PDE4D: variants seen among roughly 807,000 people sequenced by gnomAD.
PDE4D encodes 3',5'-cyclic-AMP phosphodiesterase 4D.
In PDE4D, 24 loss-of-function variants were observed where a neutral mutation model predicts 87.4. The ratio of observed to expected loss-of-function variants is 0.27; its 90% confidence interval spans 0.20 to 0.39. The LOEUF is 0.39. PDE4D is among the 10% of genes least tolerant of loss of function. The pLI is 1.00. For missense variants in PDE4D, 714 were observed against 1,041.0 expected (o/e 0.69, Z 4.32); for synonymous variants, 384 against 383.2 (o/e 1.00, Z -0.02).
chr5:59,054,907 A>C (rs1162485313), intron 5 of PDE4D, among the ~76,000 whole-genome samples: 1 of 152,144 alleles, frequency 6.6e-6, no homozygotes, highest in Non-Finnish European at 1.5e-5. Context: ...TTTATAATTA[A>C]AAAACTCTCC....
At chr5:59,264,337 T>G (rs1762509519) in intron 1 of PDE4D, among the ~76,000 whole-genome samples, 1 of 152,078 alleles carries the variant, frequency 6.6e-6, no homozygotes. Context: ...GCAGACTGTC[T>G]AATTCTTTTG....
intron 1 of PDE4D, among the ~76,000 whole-genome samples, chr5:59,491,833 G>A (rs1407109329): frequency 6.6e-6 from 1 of 152,188 alleles, no homozygotes; most frequent in East Asian, 1.9e-4. Flanking sequence ...CAGGGATAAT[G>A]GATAAATTTT....
rs115170313 is a variant in PDE4D, at chr5:60,269,733, G to A, written c.-89-84046C>T. On this transcript the variant is annotated intron_variant, in intron 1 of 16. Transcript: ENST00000502484. ...CTTACCACAAAAAAGTTATACATATGTAAGATGATGAATATATTGATTTGC... is the reference window on the plus strand; with the variant it reads ...CTTACCACAAAAAAGTTATACATATATAAGATGATGAATATATTGATTTGC... Among the ~76,000 whole-genome samples, 175 of 152,306 alleles carry A rather than the reference G, an allele frequency of 1.1e-3. 1 individual carries two copies. Among genetic ancestry groups the A allele is most frequent in the African/African-American group, 3.9e-3 (162 of 41,568 alleles).
chr5:59,755,473 T>C (rs990354963), intron 1 of PDE4D, among the ~76,000 whole-genome samples: 3 of 152,140 alleles, frequency 2.0e-5, no homozygotes, highest in African/African-American at 7.2e-5. Flanking sequence ...CACCTAAAAT[T>C]GTGAAGGTGA....
In PDE4D at chr5:60,118,786, T is replaced by C. The variant is rs565278251; in HGVS notation, c.42+66771A>G. ...TGCATTATCATCTTCAAGAGTGGTG[T>C]TTATGAAAATGCAGCTCACTGCCTT... On this transcript the variant is annotated intron_variant, in intron 2 of 16. Coordinates refer to the PDE4D transcript ENST00000502484. 4.7e-4 allele frequency among the ~76,000 whole-genome samples: 72 copies of C among 152,196 alleles called. No homozygotes were observed. In the South Asian group the frequency reaches 0.014, roughly 30 times the overall value.
At chr5:59,978,609 A>C (rs539471080) in intron 3 of PDE4D, among the ~76,000 whole-genome samples, 29 of 152,324 alleles carry the variant, frequency 1.9e-4, no homozygotes, top group African/African-American at 6.7e-4. Flanking sequence ...AGGATTTAAA[A>C]TATTATATAA....
At chr5:60,455,145 T>C (rs1239786463) in intron 1 of PDE4D, among the ~76,000 whole-genome samples, 1 of 152,184 alleles carries the variant, frequency 6.6e-6, no homozygotes, top group South Asian at 2.1e-4. Flanking sequence ...ATTTTTTGCA[T>C]GTCAACAAAT....
At chr5:59,511,226 AC>A (rs899226255) in intron 1 of PDE4D, among the ~76,000 whole-genome samples, 4 of 151,996 alleles carry the variant, frequency 2.6e-5, no homozygotes, top group African/African-American at 9.7e-5. Context: ...AGAAGCTTGA[AC>A]ATCAAAAAAT....
intron 1 of PDE4D, among the ~76,000 whole-genome samples, chr5:59,857,300 G>C (rs1473304921): frequency 2.0e-5 from 3 of 152,144 alleles, no homozygotes; most frequent in Non-Finnish European, 4.4e-5. Flanking sequence ...TATCACTTTT[G>C]TTGTACTTTC....
chr5:59,082,253 G>C (rs1393411261), intron 5 of PDE4D, among the ~76,000 whole-genome samples: 1 of 152,104 alleles, frequency 6.6e-6, no homozygotes, highest in Admixed American at 6.6e-5. Context: ...GTAATGAATA[G>C]CTTTTCTTCG....
At chr5:59,200,110 CA>C (rs1746659204) in intron 2 of PDE4D, among the ~76,000 whole-genome samples, 1 of 137,366 alleles carries the variant, frequency 7.3e-6, no homozygotes, top group African/African-American at 3.4e-5. Flanking sequence ...CATGTATGCA[CA>C]CACATACATG....
chr5:60,146,811 A>T (rs1008706423), intron 2 of PDE4D, among the ~76,000 whole-genome samples: 2 of 152,182 alleles, frequency 1.3e-5, no homozygotes, highest in Non-Finnish European at 2.9e-5. Flanking sequence ...TTAAAAAGGT[A>T]AAGGATCGGA....
rs374452189 is a variant in PDE4D at position 59,689,850 on chromosome 5, T to G, written c.455+203318A>C. Among the ~76,000 whole-genome samples, 89 of 152,146 alleles carry G rather than the reference T, an allele frequency of 5.8e-4. 1 individual carries two copies. The Middle Eastern group carries it at 0.031, about 53-fold the overall frequency. On this transcript the variant is annotated intron_variant, in intron 1 of 14. Coordinates refer to ENST00000340635, the MANE Select transcript of PDE4D (RefSeq NM_001104631.2). The stretch of plus-strand genomic sequence containing the variant: ...TCGTCTCAGCCCAAAATCTCCTTAA[T>G]CTGATAAGCAACTTCAGCAAAGTCT...
chr5:59,660,377 T>C (rs1254193551), intron 1 of PDE4D, among the ~76,000 whole-genome samples: 1 of 152,196 alleles, frequency 6.6e-6, no homozygotes, highest in East Asian at 1.9e-4. Context: ...CTAAGTTTTG[T>C]TTTTATGAAA....
intron 1 of PDE4D, among the ~76,000 whole-genome samples, chr5:60,265,747 G>C (rs1750138549): frequency 6.6e-6 from 1 of 152,146 alleles, no homozygotes. Context: ...AGAGTCACCT[G>C]CCATTAACAC....
chr5:60,267,626 G>T (rs1447721344), intron 1 of PDE4D, among the ~76,000 whole-genome samples: 1 of 152,140 alleles, frequency 6.6e-6, no homozygotes, highest in Admixed American at 6.5e-5. Flanking sequence ...CTTGGCCAGT[G>T]CTGGTACTTG....
At chr5:59,132,858 T>C (rs996488787) in intron 5 of PDE4D, among the ~76,000 whole-genome samples, 2 of 152,196 alleles carry the variant, frequency 1.3e-5, no homozygotes, top group Non-Finnish European at 2.9e-5. Context: ...TTGTTGAATG[T>C]GTTCAGTCTG....
intron 2 of PDE4D, among the ~76,000 whole-genome samples, chr5:60,076,543 A>T (rs1341945035): frequency 6.6e-6 from 1 of 152,098 alleles, no homozygotes; most frequent in African/African-American, 2.4e-5. Context: ...TGGTGGTATA[A>T]GGTGGGTTCA....
At chr5:59,154,596 T>C (rs1373973598) in intron 5 of PDE4D, among the ~76,000 whole-genome samples, 2 of 152,072 alleles carry the variant, frequency 1.3e-5, no homozygotes, top group Non-Finnish European at 2.9e-5. Context: ...AAAAATTGTA[T>C]TCATTTGGGG....
Sources: allele counts gnomAD v4.1 joint callset (sites outside exome capture counted in the v4.1 genomes callset), GRCh38; gene constraint gnomAD v4.1.1; transcripts MANE v1.5; gene names NCBI Gene and HGNC (gene_info 2026-07-23, HGNC 2026-07-21).